Variants in LPP observed in about 807,000 individuals in gnomAD.
The protein encoded by LPP is LIM domain containing preferred translocation partner in lipoma.
In LPP, 38 loss-of-function variants were observed where a neutral mutation model predicts 60.4. The observed-to-expected ratio is 0.63, with a 90% confidence interval of 0.49 to 0.83. The LOEUF (loss-of-function observed/expected upper bound fraction) is 0.83, where lower values mean the gene tolerates loss of function less well. Ranked by LOEUF, LPP falls within the 40% of genes least tolerant of loss-of-function variation. LPP has a pLI of 0.00. For missense variants in LPP, 902 were observed against 783.6 expected, an observed-to-expected ratio of 1.15 and a Z score of -1.80; for synonymous variants, 328 against 290.8, an observed-to-expected ratio of 1.13 and a Z score of -1.30.
intron 7 of LPP, among the ~76,000 whole-genome samples, chr3:188,657,625 T>C (rs1236977549): frequency 6.6e-6 from 1 of 152,108 alleles, no homozygotes; most frequent in Non-Finnish European, 1.5e-5. Context: ...CTTTTTTTCT[T>C]AGCCTTTCTA....
intron 4 of LPP, among the ~76,000 whole-genome samples, chr3:188,474,360 G>A (rs969664999): frequency 9.6e-6 from 1 of 104,402 alleles, no homozygotes; most frequent in African/African-American, 3.2e-5. Flanking sequence ...CAGGAAGGAA[G>A]CCTGCATTAT....
intron 9 of LPP, among the ~76,000 whole-genome samples, chr3:188,804,275 ATATATAT>A (rs1237353805): frequency 3.9e-5 from 5 of 127,476 alleles, no homozygotes; most frequent in African/African-American, 8.7e-5. Context: ...ATATATATAT[ATATATAT>A]AAAATGGAAT....
intron 5 of LPP, among the ~76,000 whole-genome samples, chr3:188,487,232 A>G (rs1806813896): frequency 6.6e-6 from 1 of 152,200 alleles, no homozygotes; most frequent in African/African-American, 2.4e-5. Context: ...TAAATGAAAT[A>G]CAGATGGATT....
chr3:188,199,995 C>A (rs142848824), intron 1 of LPP, among the ~76,000 whole-genome samples: 4 of 152,108 alleles, frequency 2.6e-5, no homozygotes, highest in Non-Finnish European at 5.9e-5. Flanking sequence ...AGCCACCGCG[C>A]CTGGCCCTAT....
chr3:188,796,067 C>T (rs1745255277), intron 9 of LPP, among the ~76,000 whole-genome samples: 1 of 152,180 alleles, frequency 6.6e-6, no homozygotes, highest in Non-Finnish European at 1.5e-5. Flanking sequence ...GACAAGTGGC[C>T]TGCTTTCAGG....
intron 7 of LPP, among the ~76,000 whole-genome samples, chr3:188,631,754 C>T (rs2148528113): frequency 6.6e-6 from 1 of 152,280 alleles, no homozygotes; most frequent in African/African-American, 2.4e-5. Flanking sequence ...GTAATGGGCC[C>T]AGGCACATTG....
rs954156371 is a variant in LPP, at chr3:188,610,826, C to T, written c.1113+982C>T. On this transcript the variant is annotated intron_variant, in intron 7 of 11. Transcript: ENST00000617246. This position sits in a 1 kb window ranked among gnomAD's most constrained non-coding sequence, Gnocchi z 4.4. ...GAAAATAGAGGAACTGAGCCAGTTT[C>T]CAGCCACTTGGGTTGGAAGAGTGCC... Among the ~76,000 whole-genome samples, 2 of 152,194 alleles carry T rather than the reference C, an allele frequency of 1.3e-5. No individual in the cohort carries two copies. The highest frequency in any genetic ancestry group is 2.9e-5 in the Non-Finnish European group (2 of 68,030).
intron 1 of LPP, among the ~76,000 whole-genome samples, chr3:188,223,337 G>A (rs950123718): frequency 1.3e-5 from 2 of 152,134 alleles, no homozygotes; most frequent in Admixed American, 6.6e-5. Context: ...ATAAATGGAT[G>A]TTAAAAAATA....
At chr3:188,692,341 C>G (rs1862313613) in intron 7 of LPP, among the ~76,000 whole-genome samples, 2 of 152,174 alleles carry the variant, frequency 1.3e-5, no homozygotes. Context: ...CAAAAAAGAA[C>G]AAAGAGGGAC....
At chr3:188,821,053 G>C (rs563029814) in intron 9 of LPP, among the ~76,000 whole-genome samples, 1 of 151,598 alleles carries the variant, frequency 6.6e-6, no homozygotes, top group South Asian at 2.1e-4. Flanking sequence ...TTACCAGACA[G>C]CACAAGTGAC....
intron 2 of LPP, among the ~76,000 whole-genome samples, chr3:188,338,109 A>C (rs1762143557): frequency 6.6e-6 from 1 of 152,258 alleles, no homozygotes; most frequent in Non-Finnish European, 1.5e-5. Context: ...CAACACAATC[A>C]ACCAGATGTC....
At chr3:188,252,327 T>TCTCC (rs1267612531) in intron 2 of LPP, among the ~76,000 whole-genome samples, 143 of 143,534 alleles carry the variant, frequency 1.0e-3, no homozygotes, top group Non-Finnish European at 2.0e-3. Context: ...TTTCTTCTTC[T>TCTCC]CTCCCTCCCT....
chr3:188,697,767 A>G (rs1863570920), intron 7 of LPP, among the ~76,000 whole-genome samples: 1 of 152,246 alleles, frequency 6.6e-6, no homozygotes. Context: ...ACATTTGGAT[A>G]TATTCACTTC....
rs574928161 is a variant in LPP, at chr3:188,286,786, A to T, written c.-66-54877A>T. Among the ~76,000 whole-genome samples the T allele has an allele frequency of 1.2e-3, 188 of 152,330 alleles. 2 individuals carry two copies. Among genetic ancestry groups the T allele is most frequent in the Non-Finnish European group, 1.4e-3 (98 of 68,024 alleles). The stretch of plus-strand genomic sequence containing the variant: ...GGACCATTTCAAGCATATATGGAGG[A>T]TATATATTTCAAATATACATTAGGG... On this transcript the variant is annotated intron_variant, in intron 2 of 11. Transcript: ENST00000617246.
At chr3:188,637,788 C>A (rs188167611) in intron 7 of LPP, among the ~76,000 whole-genome samples, 1 of 152,210 alleles carries the variant, frequency 6.6e-6, no homozygotes, top group Non-Finnish European at 1.5e-5. Context: ...TTCCTTGATA[C>A]GTACATGCTC....
rs187823416 is a variant in LPP at position 188,794,791 on chromosome 3, C to T, written c.1410+34509C>T. On this transcript the variant is annotated intron_variant, in intron 9 of 11. Transcript: ENST00000617246. ...ATGGCCCCAAGATTATGCTCAGCCC[C>T]GGGAACCTACAGAAACCATGGAGCA... is the stretch of plus-strand genomic sequence containing the variant. Among the ~76,000 whole-genome samples the T allele has an allele frequency of 1.8e-4, 28 of 152,176 alleles. No individual in the cohort carries two copies. The East Asian group carries it at 4.6e-3, about 25-fold the overall frequency.
intron 2 of LPP, among the ~76,000 whole-genome samples, chr3:188,241,982 C>T (rs113463203): frequency 0.017 from 2,601 of 152,204 alleles, 68 homozygotes; most frequent in African/African-American, 0.057. Context: ...ATGATTCTGA[C>T]GCTGTATGTC....
chr3:188,824,879 A>T (rs1363127372), intron 9 of LPP, among the ~76,000 whole-genome samples: 2 of 152,152 alleles, frequency 1.3e-5, no homozygotes, highest in Non-Finnish European at 2.9e-5. Context: ...GGTGATGATG[A>T]CATACCAAGC....
chr3:188,838,988 C>T (rs1381903581), intron 9 of LPP, among the ~76,000 whole-genome samples: 1 of 152,120 alleles, frequency 6.6e-6, no homozygotes, highest in East Asian at 1.9e-4. Context: ...TGTAACAAAC[C>T]TGTACATTCT....
Sources: gnomAD v4.1 joint callset for allele counts (sites outside exome capture counted in the v4.1 genomes callset) on GRCh38, gnomAD v4.1.1 for gene constraint, Gnocchi (gnomAD v3.1) non-coding constraint, MANE v1.5 for transcripts, NCBI Gene and HGNC (gene_info 2026-07-23, HGNC 2026-07-21) for gene names.